Variants in ENPEP observed in about 807,000 individuals in gnomAD.
ENPEP encodes glutamyl aminopeptidase.
In ENPEP, 103 loss-of-function variants were observed where a neutral mutation model predicts 114.5. The observed-to-expected ratio is 0.90, with a 90% CI of 0.77 to 1.06. The LOEUF is 1.06. Among genes scored for constraint, ENPEP ranks in the 50% least tolerant of loss-of-function variants. ENPEP has a pLI of 0.00. For synonymous variants in ENPEP, 420 were observed against 422.0 expected, an observed-to-expected ratio of 1.00 and a Z score of 0.06; for missense variants, 1,196 against 1,161.3, an observed-to-expected ratio of 1.03 and a Z score of -0.43.
chr4:110,487,892 G>A (rs1268232107), intron 1 of ENPEP, among the ~76,000 whole-genome samples: 2 of 151,922 alleles, frequency 1.3e-5, no homozygotes, highest in African/African-American at 4.8e-5. Flanking sequence ...TGCCTAGTTA[G>A]AGCCATAAAA....
chr4:110,477,297 T>C (rs557994585), intron 1 of ENPEP, among the ~76,000 whole-genome samples: 15 of 152,294 alleles, frequency 9.8e-5, no homozygotes, highest in African/African-American at 3.6e-4. Context: ...TCAGTGTAAG[T>C]CTTTTATTCC....
chr4:110,533,074 TG>T (rs765970052), intron 11 of ENPEP: 9 of 452,046 alleles, frequency 2.0e-5, no homozygotes, highest in South Asian at 1.4e-4. Context: ...TTTTCCCCAT[TG>T]GTCACCATAG....
chr4:110,519,964 A>G, intron 8 of ENPEP, 44 bp from the exon 9 acceptor site: 1 of 1,571,012 alleles, frequency 6.4e-7, no homozygotes, highest in Non-Finnish European at 8.7e-7. Context: ...GTATGAGAAA[A>G]GCAAACATTG....
At chr4:110,519,864 G>A (rs1725916229) in intron 8 of ENPEP, 144 bp from the exon 9 acceptor site, 1 of 619,684 alleles carries the variant, frequency 1.6e-6, no homozygotes, top group Admixed American at 2.9e-5. Context: ...CAATGCAACA[G>A]CCGTGCTCAT....
intron 1 of ENPEP, among the ~76,000 whole-genome samples, chr4:110,482,900 TCTGG>T (rs1724367572): frequency 6.6e-6 from 1 of 152,104 alleles, no homozygotes; most frequent in African/African-American, 2.4e-5. Context: ...TCCCAGCTAC[TCTGG>T]AGGCTGAGGC....
intron 6 of ENPEP, chr4:110,513,213 A>G (rs1725641903): frequency 4.7e-6 from 2 of 422,894 alleles, no homozygotes; most frequent in East Asian, 9.1e-5. Context: ...GGGGAAAATT[A>G]AAAGGAATTA....
intron 1 of ENPEP, among the ~76,000 whole-genome samples, chr4:110,478,442 A>G (rs55821297): frequency 0.87 from 131,992 of 151,824 alleles, 57,593 homozygotes; most frequent in Middle Eastern, 0.93. Context: ...AATCTGTAAA[A>G]TAATTTCACT....
At chr4:110,524,870 C>T (rs999911315) in intron 10 of ENPEP, among the ~76,000 whole-genome samples, 4 of 152,096 alleles carry the variant, frequency 2.6e-5, no homozygotes, top group Non-Finnish European at 2.9e-5. Flanking sequence ...GTGATTTTCT[C>T]ACCTCAGCCT....
intron 10 of ENPEP, among the ~76,000 whole-genome samples, chr4:110,522,170 G>A (rs1325344664): frequency 6.6e-6 from 1 of 151,740 alleles, no homozygotes; most frequent in Admixed American, 6.6e-5. Context: ...GAGCCACTGT[G>A]CCTGGACTAG....
At chr4:110,488,783 C>T in intron 2 of ENPEP, 101 bp downstream of exon 2, 1 of 1,437,688 alleles carries the variant, frequency 7.0e-7, no homozygotes, top group Non-Finnish European at 9.3e-7. Context: ...AATTCTAAAA[C>T]TAAATGTGCA....
chr4:110,488,922 G>A (rs1367272605), intron 2 of ENPEP, among the ~76,000 whole-genome samples: 1 of 152,178 alleles, frequency 6.6e-6, no homozygotes, highest in African/African-American at 2.4e-5. Flanking sequence ...CAATGCCATA[G>A]ACACACACAT....
intron 13 of ENPEP, among the ~76,000 whole-genome samples, chr4:110,547,314 C>T (rs975505142): frequency 3.9e-5 from 6 of 152,026 alleles, no homozygotes; most frequent in African/African-American, 1.4e-4. Context: ...TATTTTTGAA[C>T]AAAGAAAATT....
intron 8 of ENPEP, among the ~76,000 whole-genome samples, chr4:110,519,657 T>C (rs1725908001): frequency 6.6e-6 from 1 of 151,880 alleles, no homozygotes; most frequent in African/African-American, 2.4e-5. Context: ...ATCATTATTA[T>C]TCAAAAGGTT....
chr4:110,499,528 A>G (rs1307689483), intron 3 of ENPEP, among the ~76,000 whole-genome samples: 3 of 152,212 alleles, frequency 2.0e-5, no homozygotes, highest in Admixed American at 1.3e-4. Context: ...CCTTGTCCCA[A>G]ACCCTCATGG....
chr4:110,508,411 A>C lies in ENPEP; in HGVS notation c.1040-1242A>C, dbSNP rs577997685. 2.6e-5 allele frequency among the ~76,000 whole-genome samples: 4 copies of C among 152,348 alleles called. No homozygotes were observed. In the South Asian group the frequency reaches 6.2e-4, roughly 24 times the overall value. The stretch of plus-strand genomic sequence containing the variant: ...CTTTTGAAATGACTGTCTTGTGATA[A>C]AATAACCAAACCTAAAAATGAGATA... On this transcript the variant is annotated intron_variant, in intron 4 of 19. Transcript: ENST00000265162.
chr4:110,484,278 G>T (rs1724420006), intron 1 of ENPEP, among the ~76,000 whole-genome samples: 1 of 152,092 alleles, frequency 6.6e-6, no homozygotes, highest in Non-Finnish European at 1.5e-5. Flanking sequence ...TGGTGACCAG[G>T]TTTTACAGAT....
In ENPEP at chr4:110,562,655, AT is replaced by A. The variant is rs1727716549; in HGVS notation, c.*1100del. On this transcript the variant is annotated 3_prime_UTR_variant, in exon 20 of 20. Coordinates refer to ENST00000265162, the MANE Select transcript of ENPEP (RefSeq NM_001977.4). ...ATCCATACAGAATAGCACTGATCAA[AT>A]TTAAATGCATGACTTGATTAAAGAC... The A allele has an allele frequency of 6.6e-6, 1 of 152,128 alleles. No homozygotes were observed. The highest frequency in any genetic ancestry group is 1.5e-5 in the Non-Finnish European group (1 of 67,994). 9.4% of individuals were successfully genotyped at this position (152,128 alleles called of 1,614,324 possible).
intron 11 of ENPEP, among the ~76,000 whole-genome samples, chr4:110,535,954 A>G (rs1027955799): frequency 6.6e-6 from 1 of 152,062 alleles, no homozygotes; most frequent in African/African-American, 2.4e-5. Flanking sequence ...ATTTTAGTTA[A>G]CATATATACT....
intron 6 of ENPEP, 103 bp downstream of exon 6, chr4:110,510,461 G>A: frequency 1.0e-6 from 1 of 955,584 alleles, no homozygotes; most frequent in Admixed American, 2.0e-5. Context: ...GGCAAGTACA[G>A]TGGTGAGCGG....
Sources: gnomAD v4.1 joint callset for allele counts (sites outside exome capture counted in the v4.1 genomes callset) on GRCh38, gnomAD v4.1.1 for gene constraint, MANE v1.5 for transcripts, NCBI Gene and HGNC (gene_info 2026-07-23, HGNC 2026-07-21) for gene names.